Variants in KIAA0930 observed in about 807,000 individuals in gnomAD.
KIAA0930 encodes the protein KIAA0930, also known as uncharacterized protein KIAA0930.
Under a neutral mutation model 43.9 loss-of-function variants are expected in KIAA0930, and 24 were observed. The ratio of observed to expected loss-of-function variants is 0.55; its 90% confidence interval spans 0.40 to 0.77. The LOEUF (loss-of-function observed/expected upper bound fraction) is 0.77. KIAA0930 is among the 30% of genes least tolerant of loss of function. KIAA0930 has a pLI of 0.00. For synonymous variants in KIAA0930, 259 were observed against 216.4 expected (o/e 1.20, Z -1.73); for missense variants, 461 against 574.2 (o/e 0.80, Z 2.02).
rs751687275 is a variant in KIAA0930, at chr22:45,204,003, G to T, written c.517-18C>A. The T allele has an allele frequency of 1.2e-6, 2 of 1,613,636 alleles. No homozygotes were observed. Among genetic ancestry groups the T allele is most frequent in the Admixed American group, 1.7e-5 (1 of 59,968 alleles). On this transcript the variant is annotated intron_variant, in intron 5 of 9. Coordinates refer to ENST00000336156, the MANE Select transcript of KIAA0930 (RefSeq NM_001009880.2). ...CTGAACACCTGGGCCAGGACACAAAGAGACAGGGACGTGACCATCAGCTCC... is the reference window on the plus strand; with the variant it reads ...CTGAACACCTGGGCCAGGACACAAATAGACAGGGACGTGACCATCAGCTCC...
chr22:45,208,171 T>A (rs1309173000), intron 2 of KIAA0930, among the ~76,000 whole-genome samples: 2 of 152,246 alleles, frequency 1.3e-5, no homozygotes, highest in East Asian at 3.9e-4. Flanking sequence ...CATGGTACAC[T>A]CTGCAGGCAT....
intron 8 of KIAA0930, among the ~76,000 whole-genome samples, chr22:45,199,265 G>A (rs1466005287): frequency 6.6e-6 from 1 of 152,174 alleles, no homozygotes; most frequent in African/African-American, 2.4e-5. Flanking sequence ...GCAGGCACGG[G>A]TGCTCAGGAG....
chr22:45,193,599 C>T lies in KIAA0930; in HGVS notation c.*3577G>A, dbSNP rs964170853. 6.6e-6 allele frequency: 1 copy of T among 152,172 alleles called. No homozygotes were observed. The highest frequency in any genetic ancestry group is 2.4e-5 in the African/African-American group (1 of 41,434). The allele number at this position is 152,172 out of a possible 1,614,324, so 9.4% of individuals were successfully genotyped here. A position where few individuals can be genotyped will look rare whatever the true frequency, so the allele number is the denominator to read the frequency against. On this transcript the variant is annotated 3_prime_UTR_variant, in exon 10 of 10. Transcript: ENST00000336156. ...TGACTCCGTGTAGAGGGAAGACTAA[C>T]TCACAGTCCATAAGAATCCAAAAGT...
At chr22:45,205,390 G>T in intron 4 of KIAA0930, 72 bp from the exon 5 acceptor site, 2 of 1,355,212 alleles carry the variant, frequency 1.5e-6, no homozygotes, top group Non-Finnish European at 2.1e-6. Context: ...GTCCAAGCCA[G>T]TATAGGGAGG....
chr22:45,237,943 CAG>C (rs1432939427), intron 1 of KIAA0930, among the ~76,000 whole-genome samples: 1 of 148,640 alleles, frequency 6.7e-6, no homozygotes, highest in African/African-American at 2.5e-5. Context: ...TTTTTTGAGA[CAG>C]AGTCTCACTC....
intron 4 of KIAA0930, 53 bp downstream of exon 4, chr22:45,205,577 G>T: frequency 6.5e-7 from 1 of 1,546,092 alleles, no homozygotes; most frequent in Non-Finnish European, 8.9e-7. Context: ...TCTCTGCCAC[G>T]CCCAGCCTGA....
intron 7 of KIAA0930, 162 bp from the exon 8 acceptor site, chr22:45,200,197 C>G: frequency 1.6e-6 from 1 of 615,344 alleles, no homozygotes; most frequent in Non-Finnish European, 2.6e-6. Flanking sequence ...CTAGGTGGGG[C>G]CTAGAGACTG....
chr22:45,224,439 C>T (rs940358422), intron 1 of KIAA0930, among the ~76,000 whole-genome samples: 5 of 152,318 alleles, frequency 3.3e-5, no homozygotes, highest in East Asian at 1.9e-4. Flanking sequence ...TGAGGCCTGA[C>T]GCTCTTGATC....
chr22:45,203,821 C>A, intron 6 of KIAA0930, 24 bp downstream of exon 6: 1 of 1,611,398 alleles, frequency 6.2e-7, no homozygotes, highest in South Asian at 1.1e-5. Context: ...CAGAAGAACA[C>A]CCGTGAGGCC....
chr22:45,209,225 G>T (rs1166909434), intron 2 of KIAA0930, among the ~76,000 whole-genome samples: 1 of 152,208 alleles, frequency 6.6e-6, no homozygotes, highest in Admixed American at 6.5e-5. Flanking sequence ...GGCATGGGGA[G>T]GGGGCGGGAA....
chr22:45,206,970 A>T (rs2083643679), intron 2 of KIAA0930, among the ~76,000 whole-genome samples: 1 of 151,608 alleles, frequency 6.6e-6, no homozygotes, highest in Non-Finnish European at 1.5e-5. Context: ...AAGTGCTGGG[A>T]TTACAAGCAT....
At position 45,205,250 on chromosome 22, in the gene KIAA0930, G is replaced by A. The variant is rs148145202; in HGVS notation, c.483C>T (p.Pro161=). 6.2e-5 allele frequency: 100 copies of A among 1,614,072 alleles called. No homozygotes were observed. The African/African-American group carries it at 1.2e-3, about 19-fold the overall frequency. Residue 161 remains proline, a synonymous_variant, in exon 5 of 10, where the codon CCC becomes CCT. Coordinates refer to ENST00000336156, the MANE Select transcript of KIAA0930 (RefSeq NM_001009880.2). The stretch of plus-strand genomic sequence containing the variant: ...AGCTGTCAATCATGAAGAAGATGTT[G>A]GGGTAGCTGATCTTGGACTCCTCCC... ...SKGEESKISY[P]NIFFMIDSFE...
At position 45,197,232 on chromosome 22, in the gene KIAA0930, G is replaced by A; in HGVS notation, c.1175-16C>T. The stretch of plus-strand genomic sequence containing the variant: ...TCCAGGATGTCTAGGGCCGGCAGGA[G>A]GGAAGCAGGTGAAACAGTAACCCTC... On this transcript the variant is annotated splice_polypyrimidine_tract_variant and intron_variant, in intron 9 of 9. Coordinates refer to ENST00000336156, the MANE Select transcript of KIAA0930 (RefSeq NM_001009880.2). 6 of 1,549,644 alleles carry A rather than the reference G, an allele frequency of 3.9e-6. No individual in the cohort carries two copies. Among genetic ancestry groups the A allele is most frequent in the Non-Finnish European group, 5.2e-6 (6 of 1,145,942 alleles).
intron 2 of KIAA0930, among the ~76,000 whole-genome samples, chr22:45,211,134 A>G (rs2083689746): frequency 6.6e-6 from 1 of 152,188 alleles, no homozygotes; most frequent in Non-Finnish European, 1.5e-5. Flanking sequence ...ACCAGGCTCC[A>G]AGTAATCCCT....
At chr22:45,202,685 T>C (rs2083599448) in intron 7 of KIAA0930, 1 of 281,922 alleles carries the variant, frequency 3.5e-6, no homozygotes, top group Non-Finnish European at 6.6e-6. Flanking sequence ...AGCCTGGCTT[T>C]GTGGCATCTC....
intron 1 of KIAA0930, among the ~76,000 whole-genome samples, chr22:45,236,783 C>T (rs142871941): frequency 3.9e-5 from 6 of 152,328 alleles, no homozygotes; most frequent in African/African-American, 1.4e-4. Flanking sequence ...ATGTCTAGCC[C>T]ACAGGATTAC....
intron 1 of KIAA0930, among the ~76,000 whole-genome samples, chr22:45,231,656 T>C (rs1471919194): frequency 6.6e-6 from 1 of 151,948 alleles, no homozygotes; most frequent in Non-Finnish European, 1.5e-5. Context: ...TACAAATACA[T>C]AAAAATGTAC....
chr22:45,240,697 G>A lies in KIAA0930; in HGVS notation c.7C>T (p.Arg3Cys), dbSNP rs1482000900. 3.6e-6 allele frequency: 5 copies of A among 1,394,346 alleles called. No homozygotes were observed. In the East Asian group the frequency reaches 1.2e-4, roughly 33 times the overall value. The allele number at this position is 1,394,346 out of a possible 1,614,324, so 86.4% of individuals were successfully genotyped here. The change falls in exon 1 of 10, where the codon CGT (arginine) becomes TGT (cysteine). Residue 3 changes from arginine (R) to cysteine (C), a missense_variant. By Grantham distance (180) the Arg-to-Cys change is radical. Transcript: ENST00000336156. Reference protein sequence around the residue: MLRAIAEERGRLS... With the variant: MLCAIAEERGRLS... ...CGGCCGCGCTCCTCCGCTATGGCAC[G>A]CAGCATGTGCTGCAGCGAGCGCTCC...
chr22:45,219,327 G>A (rs977450495), intron 1 of KIAA0930, among the ~76,000 whole-genome samples: 2 of 152,140 alleles, frequency 1.3e-5, no homozygotes, highest in African/African-American at 4.8e-5. Flanking sequence ...TGGTTACTAT[G>A]ATAACTTGGA....
Sources: allele counts gnomAD v4.1 joint callset (sites outside exome capture counted in the v4.1 genomes callset), GRCh38; gene constraint gnomAD v4.1.1; transcripts MANE v1.5; gene names NCBI Gene and HGNC (gene_info 2026-07-23, HGNC 2026-07-21).